Variants in SLC30A5 observed in about 807,000 individuals in gnomAD.
The protein encoded by SLC30A5 is proton-coupled zinc antiporter SLC30A5.
SLC30A5 carries 33 observed loss-of-function variants against 79.6 expected under a neutral mutation model. The observed-to-expected ratio is 0.41, with a 90% confidence interval of 0.31 to 0.55. The LOEUF is 0.55. SLC30A5 is among the 20% of genes least tolerant of loss of function. The pLI is 0.20. For synonymous variants in SLC30A5, 299 were observed against 319.7 expected (o/e 0.94, Z 0.69); for missense variants, 788 against 928.1 (o/e 0.85, Z 1.96).
chr5:69,126,421 T>C (rs1278941299), intron 14 of SLC30A5, among the ~76,000 whole-genome samples: 2 of 152,142 alleles, frequency 1.3e-5, no homozygotes, highest in African/African-American at 2.4e-5. Flanking sequence ...ATTATGGGCG[T>C]GAGCCACCGC....
intron 5 of SLC30A5, 30 bp downstream of exon 5, chr5:69,108,466 AATGGAAAGT>A (rs1382103534): frequency 7.0e-7 from 1 of 1,436,946 alleles, no homozygotes; most frequent in African/African-American, 1.4e-5. Flanking sequence ...GTTACTTGGA[AATGGAAAGT>A]ATGTATGTCA....
rs752163853 is a variant in SLC30A5, at chr5:69,123,336, G to A, written c.1909G>A (p.Val637Ile). The A allele has an allele frequency of 1.1e-5, 18 of 1,613,894 alleles. No homozygotes were observed. The East Asian group carries it at 3.8e-4, about 34-fold the overall frequency. The change falls in exon 14 of 16, where the codon GTT becomes ATT. Residue 637 changes from valine (V) to isoleucine (I), a missense_variant. Physicochemically the swap from Val to Ile is conservative, Grantham distance 29. This residue lies in a region of SLC30A5 where 158 missense variants were observed against 156.2 expected (regional missense o/e 1.01). Transcript: ENST00000396591. ...TATTGCTATATTAATATTTCTCAGT[G>A]TTGTTCCACTGATTAAAGATGCCTG... The part of the protein sequence containing the change: ...LFIAILIFLS[V>I]VPLIKDACQV...
chr5:69,105,623 AC>A (rs1299283132), intron 4 of SLC30A5, among the ~76,000 whole-genome samples: 1 of 152,140 alleles, frequency 6.6e-6, no homozygotes, highest in Non-Finnish European at 1.5e-5. Context: ...ACGCCACTGC[AC>A]TGCAGGCTGG....
Position 69,116,270 on chromosome 5 carries a change from G to T in SLC30A5, c.1072+56G>T. 4.0e-6 allele frequency: 6 copies of T among 1,512,528 alleles called. No homozygotes were observed. The Admixed American group carries it at 1.4e-4, about 34-fold the overall frequency. 93.7% of individuals were successfully genotyped at this position (1,512,528 alleles called of 1,614,324 possible). A position where few individuals can be genotyped will look rare whatever the true frequency, so the allele number is the denominator to read the frequency against. Reference sequence around the variant, plus strand: ...CAAATTTCTATTTATGGATTTTGATGGTCACATCATTTACTTATTTTGGGA... The same window carrying T: ...CAAATTTCTATTTATGGATTTTGATTGTCACATCATTTACTTATTTTGGGA... On this transcript the variant is annotated intron_variant, in intron 9 of 15. Transcript: ENST00000396591. This position sits in a 1 kb window ranked among gnomAD's most constrained non-coding sequence, Gnocchi z 4.0.
At chr5:69,104,781 C>A in intron 4 of SLC30A5, 65 bp downstream of exon 4, 19 of 1,503,252 alleles carry the variant, frequency 1.3e-5, no homozygotes, top group Non-Finnish European at 1.6e-5. Context: ...TATTTTTGTT[C>A]CACTGTGTTT....
chr5:69,126,640 C>T (rs569011044), intron 14 of SLC30A5, among the ~76,000 whole-genome samples: 57 of 151,838 alleles, frequency 3.8e-4, no homozygotes, highest in African/African-American at 1.3e-3. Flanking sequence ...TGTGGTGGCA[C>T]GTGCCTGTAG....
chr5:69,114,330 T>C, intron 6 of SLC30A5, 90 bp from the exon 7 acceptor site: 3 of 768,630 alleles, frequency 3.9e-6, no homozygotes, highest in South Asian at 1.4e-5. Context: ...CTATATGCAA[T>C]CCAAAATAAT....
chr5:69,100,342 A>G lies in SLC30A5; in HGVS notation c.84-465A>G, dbSNP rs186958629. Among the ~76,000 whole-genome samples, 524 of 151,936 alleles carry G rather than the reference A, an allele frequency of 3.4e-3. 3 individuals carry two copies. The highest frequency in any genetic ancestry group is 5.9e-3 in the Non-Finnish European group (404 of 67,938). On this transcript the variant is annotated intron_variant, in intron 1 of 15. Coordinates refer to ENST00000396591, the MANE Select transcript of SLC30A5 (RefSeq NM_022902.5). ...ACGAACACAGCTCACTGCAACCTCA[A>G]CCTCCCACCTTAGCCTCCCGAGTGG... is the stretch of plus-strand genomic sequence containing the variant.
intron 1 of SLC30A5, among the ~76,000 whole-genome samples, chr5:69,098,267 C>G (rs1249553446): frequency 6.6e-6 from 1 of 151,902 alleles, no homozygotes; most frequent in Admixed American, 6.6e-5. Context: ...TGCCTGTAAT[C>G]CTAGCACTTT....
intron 1 of SLC30A5, among the ~76,000 whole-genome samples, chr5:69,096,072 A>G (rs1745721869): frequency 6.6e-6 from 1 of 152,150 alleles, no homozygotes; most frequent in Non-Finnish European, 1.5e-5. Context: ...CTGTCTCAAA[A>G]AAAAGCATAT....
intron 14 of SLC30A5, among the ~76,000 whole-genome samples, chr5:69,127,778 T>G (rs1242297764): frequency 6.6e-6 from 1 of 152,216 alleles, no homozygotes; most frequent in Non-Finnish European, 1.5e-5. Context: ...TAGATCAGAA[T>G]ATTTTAGGCA....
chr5:69,096,828 G>A (rs1328940631), intron 1 of SLC30A5, among the ~76,000 whole-genome samples: 1 of 151,856 alleles, frequency 6.6e-6, no homozygotes, highest in Non-Finnish European at 1.5e-5. Flanking sequence ...AGGCACAGTG[G>A]CAGTGCCTAT....
chr5:69,107,853 C>A (rs897151926), intron 4 of SLC30A5, among the ~76,000 whole-genome samples: 1 of 152,118 alleles, frequency 6.6e-6, no homozygotes, highest in African/African-American at 2.4e-5. Context: ...CTGCCTCAGC[C>A]TCCCGAGTAG....
In SLC30A5 at chr5:69,123,228, C is replaced by T. The variant is rs1746582540; in HGVS notation, c.1801C>T (p.Leu601Phe). The T allele has an allele frequency of 6.2e-7, 1 of 1,609,046 alleles. No homozygotes were observed. The highest frequency in any genetic ancestry group is 1.3e-5 in the African/African-American group (1 of 74,756). Residue 601 changes from leucine (L) to phenylalanine (F), a missense_variant, in exon 14 of 16, where the codon CTT becomes TTT. Leu to Phe is a conservative substitution (Grantham distance 22). Around this residue, in one of 3 missense-constraint regions of SLC30A5, gnomAD observed 626 missense variants for 755.5 expected, o/e 0.83. Transcript: ENST00000396591. Reference sequence around the variant, plus strand: ...ATTTCTACATGTTTTGGCAGATACACTTGGCAGCATTGGTGTGATCGTATC... The same window carrying T: ...ATTTCTACATGTTTTGGCAGATACATTTGGCAGCATTGGTGTGATCGTATC... ...GVFLHVLADT[L>F]GSIGVIVSTV...
chr5:69,115,501 T>A, intron 8 of SLC30A5, 94 bp downstream of exon 8: 1 of 1,036,410 alleles, frequency 9.6e-7, no homozygotes, highest in African/African-American at 1.6e-5. Flanking sequence ...AATTATATTT[T>A]AATTTGAGGT....
intron 3 of SLC30A5, among the ~76,000 whole-genome samples, chr5:69,103,773 C>T (rs1386428408): frequency 3.9e-5 from 6 of 152,206 alleles, no homozygotes; most frequent in African/African-American, 1.4e-4. Context: ...AATCATCTCA[C>T]ATCGTCACTT....
rs762429598 is a variant in SLC30A5, at chr5:69,123,339, G to T, written c.1912G>T (p.Val638Phe). The change falls in exon 14 of 16, where the codon GTT becomes TTT. Residue 638 changes from valine to phenylalanine, a missense_variant. Val to Phe is a conservative substitution (Grantham distance 50). Transcript: ENST00000396591. ...TGCTATATTAATATTTCTCAGTGTT[G>T]TTCCACTGATTAAAGATGCCTGCCA... ...FIAILIFLSV[V>F]PLIKDACQVL... 6 of 1,613,664 alleles carry T rather than the reference G, an allele frequency of 3.7e-6. No individual in the cohort carries two copies. The highest frequency in any genetic ancestry group is 1.7e-5 in the Admixed American group (1 of 59,980).
Position 69,114,307 on chromosome 5 carries a change from C to G in SLC30A5, c.536-113C>G. On this transcript the variant is annotated intron_variant, in intron 6 of 15. Coordinates refer to ENST00000396591, the MANE Select transcript of SLC30A5 (RefSeq NM_022902.5). ...TTATTGAAAGTAATTAAGTTTGAGGCCTCCAGATCAGTCTATATGCAATCC... is the reference window on the plus strand; with the variant it reads ...TTATTGAAAGTAATTAAGTTTGAGGGCTCCAGATCAGTCTATATGCAATCC... 5.7e-6 allele frequency: 3 copies of G among 523,084 alleles called. No individual in the cohort carries two copies. The South Asian group carries it at 9.6e-5, about 17-fold the overall frequency. 32.4% of individuals were successfully genotyped at this position (523,084 alleles called of 1,614,324 possible).
chr5:69,097,998 G>T (rs571806743), intron 1 of SLC30A5, among the ~76,000 whole-genome samples: 1 of 152,084 alleles, frequency 6.6e-6, no homozygotes, highest in African/African-American at 2.4e-5. Flanking sequence ...GGAGAGGAGA[G>T]GAGAGGGAGG....
Sources: allele counts gnomAD v4.1 joint callset (sites outside exome capture counted in the v4.1 genomes callset), GRCh38; gene constraint gnomAD v4.1.1; regional missense constraint gnomAD v4.1.1; non-coding constraint Gnocchi (gnomAD v3.1); transcripts MANE v1.5; gene names NCBI Gene and HGNC (gene_info 2026-07-23, HGNC 2026-07-21).